RALGAPB: variants seen among roughly 807,000 people sequenced by gnomAD.
The protein encoded by RALGAPB is ral GTPase-activating protein subunit beta.
Under a neutral mutation model 161.1 loss-of-function variants are expected in RALGAPB, and 25 were observed. The ratio of observed to expected loss-of-function variants is 0.16; its 90% CI spans 0.11 to 0.22. The LOEUF (loss-of-function observed/expected upper bound fraction) is 0.22, where lower values mean the gene tolerates loss of function less well. RALGAPB is among the 10% of genes least tolerant of loss of function. The probability of loss-of-function intolerance (pLI) is 1.00; values close to 1 mark genes in which losing one functional copy is unlikely to be tolerated. For synonymous variants in RALGAPB, 629 were observed against 626.1 expected, an observed-to-expected ratio of 1.00 and a Z score of -0.07; for missense variants, 1,391 against 1,815.2, an observed-to-expected ratio of 0.77 and a Z score of 4.25.
At chr20:38,570,651 C>T (rs2088196966) in intron 27 of RALGAPB, 118 bp from the exon 28 acceptor site, 3 of 554,894 alleles carry the variant, frequency 5.4e-6, no homozygotes, top group African/African-American at 1.9e-5. Flanking sequence ...TATTTCAGGA[C>T]AGCACAGTCC....
chr20:38,545,521 C>G (rs2087133351), intron 18 of RALGAPB, among the ~76,000 whole-genome samples: 2 of 152,196 alleles, frequency 1.3e-5, no homozygotes, highest in African/African-American at 2.4e-5. Context: ...GACCAGTATT[C>G]TACAGCACCA....
chr20:38,553,290 A>G (rs1387121458), intron 21 of RALGAPB, among the ~76,000 whole-genome samples: 1 of 152,216 alleles, frequency 6.6e-6, no homozygotes, highest in African/African-American at 2.4e-5. Flanking sequence ...AGGATTGATC[A>G]GAAGGAAAGG....
chr20:38,496,310 G>T (rs903276614), intron 3 of RALGAPB, among the ~76,000 whole-genome samples: 1 of 152,056 alleles, frequency 6.6e-6, no homozygotes, highest in African/African-American at 2.4e-5. Flanking sequence ...CTCTTCTAAG[G>T]TTGGGTTGAC....
At chr20:38,517,403 G>A in intron 7 of RALGAPB, 103 bp from the exon 8 acceptor site, 4 of 1,190,842 alleles carry the variant, frequency 3.4e-6, no homozygotes, top group Non-Finnish European at 3.5e-6. Flanking sequence ...CTCTGCTATA[G>A]TCTATGTGTC....
intron 10 of RALGAPB, among the ~76,000 whole-genome samples, chr20:38,522,689 A>G (rs1053213033): frequency 1.1e-4 from 17 of 152,216 alleles, no homozygotes; most frequent in African/African-American, 3.4e-4. Context: ...AGAATTTTAT[A>G]GATATGAAAA....
At chr20:38,510,078 T>A (rs2085888604) in intron 6 of RALGAPB, among the ~76,000 whole-genome samples, 1 of 152,058 alleles carries the variant, frequency 6.6e-6, no homozygotes, top group South Asian at 2.1e-4. Context: ...TAGTAAGTTC[T>A]TTTATATACC....
chr20:38,538,984 A>G (rs2086889225), intron 16 of RALGAPB, among the ~76,000 whole-genome samples: 1 of 152,258 alleles, frequency 6.6e-6, no homozygotes, highest in South Asian at 2.1e-4. Context: ...AGCTGGAAAC[A>G]ACCCAATGTC....
chr20:38,525,042 C>G, intron 11 of RALGAPB, 97 bp downstream of exon 11: 1 of 1,218,842 alleles, frequency 8.2e-7, no homozygotes, highest in Non-Finnish European at 1.2e-6. Flanking sequence ...GTCCAGTTGT[C>G]TTCATAGTCC....
chr20:38,478,671 C>T (rs2084875893), intron 1 of RALGAPB, among the ~76,000 whole-genome samples: 1 of 151,992 alleles, frequency 6.6e-6, no homozygotes, highest in East Asian at 1.9e-4. Context: ...GGCTGGAGTG[C>T]AGTGACGCCA....
At chr20:38,574,423 G>A in intron 29 of RALGAPB, 125 bp downstream of exon 29, 1 of 1,127,410 alleles carries the variant, frequency 8.9e-7, no homozygotes. Flanking sequence ...GAAATGGTAT[G>A]GCTCTTGTTA....
chr20:38,488,991 C>T (rs557086224), intron 2 of RALGAPB, among the ~76,000 whole-genome samples: 35 of 152,304 alleles, frequency 2.3e-4, no homozygotes, highest in African/African-American at 2.4e-5. Flanking sequence ...TTTGGAAGGC[C>T]TCATCCCTAC....
At chr20:38,474,868 A>G (rs1227763905) in intron 1 of RALGAPB, among the ~76,000 whole-genome samples, 1 of 152,210 alleles carries the variant, frequency 6.6e-6, no homozygotes, top group Admixed American at 6.5e-5. Context: ...CTTTTATGTC[A>G]TAGATAGATC....
intron 10 of RALGAPB, 122 bp downstream of exon 10, chr20:38,521,820 C>T (rs1022723564): frequency 2.4e-5 from 23 of 970,884 alleles, no homozygotes; most frequent in Non-Finnish European, 3.2e-5. Flanking sequence ...TGTAAGTGAT[C>T]GACATTTGCC....
chr20:38,544,186 T>A (rs1489598079), intron 18 of RALGAPB, among the ~76,000 whole-genome samples: 1 of 152,212 alleles, frequency 6.6e-6, no homozygotes, highest in Non-Finnish European at 1.5e-5. Flanking sequence ...TCATTTTAAT[T>A]GTTAAAAACT....
chr20:38,472,992 G>T lies in RALGAPB; in HGVS notation c.-108G>T, dbSNP rs893092247. ...GTGAAAGCGCCAGCCCTATGGCGCG[G>T]GTCGCGTGAGGCGGAAGGCCGAGGA... On this transcript the variant is annotated 5_prime_UTR_variant, in exon 1 of 30. Coordinates refer to ENST00000262879, the MANE Select transcript of RALGAPB (RefSeq NM_020336.4). The T allele has an allele frequency of 7.5e-6, 3 of 397,762 alleles. No homozygotes were observed. 24.6% of individuals were successfully genotyped at this position (397,762 alleles called of 1,614,324 possible). A position where few individuals can be genotyped will look rare whatever the true frequency, so the allele number is the denominator to read the frequency against.
intron 6 of RALGAPB, 139 bp from the exon 7 acceptor site, chr20:38,516,053 G>A (rs6064645): frequency 0.023 from 14,014 of 601,200 alleles, 252 homozygotes; most frequent in African/African-American, 0.072. Flanking sequence ...GATTTGAATC[G>A]CTGGCCCATT....
chr20:38,563,697 C>T (rs1376197658), intron 24 of RALGAPB, among the ~76,000 whole-genome samples: 3 of 152,120 alleles, frequency 2.0e-5, no homozygotes, highest in Non-Finnish European at 4.4e-5. Context: ...CTTATGGTTG[C>T]AAGTATCAGA....
intron 23 of RALGAPB, among the ~76,000 whole-genome samples, chr20:38,561,654 C>T (rs2087790431): frequency 6.6e-6 from 1 of 152,194 alleles, no homozygotes; most frequent in Non-Finnish European, 1.5e-5. Context: ...TACCCTCCCC[C>T]TTTTATTTTT....
At chr20:38,508,987 T>G in intron 5 of RALGAPB, 90 bp from the exon 6 acceptor site, 8 of 1,401,072 alleles carry the variant, frequency 5.7e-6, no homozygotes, top group African/African-American at 1.4e-5. Flanking sequence ...GTACACATGT[T>G]TCATCCATTT....
Sources: gnomAD v4.1 joint callset for allele counts (sites outside exome capture counted in the v4.1 genomes callset) on GRCh38, gnomAD v4.1.1 for gene constraint, MANE v1.5 for transcripts, NCBI Gene and HGNC (gene_info 2026-07-23, HGNC 2026-07-21) for gene names.